AP2B1: variants seen among roughly 807,000 people sequenced by gnomAD.
AP2B1 encodes adaptor related protein complex 2 subunit beta 1, also known as AP-2 complex subunit beta.
A neutral mutation model predicts 102.0 loss-of-function variants in AP2B1; 23 were observed. The ratio of observed to expected loss-of-function variants is 0.23; its 90% CI spans 0.16 to 0.32. The LOEUF (loss-of-function observed/expected upper bound fraction) is 0.32. Among genes scored for constraint, AP2B1 ranks in the 10% least tolerant of loss-of-function variants. The probability of loss-of-function intolerance (pLI) is 1.00; values close to 1 mark genes in which losing one functional copy is unlikely to be tolerated. For missense variants in AP2B1, 541 were observed against 1,157.4 expected (o/e 0.47, Z 7.73); for synonymous variants, 381 against 421.2 (o/e 0.90, Z 1.17).
intron 6 of AP2B1, among the ~76,000 whole-genome samples, chr17:35,625,631 AATAT>A (rs2074293170): frequency 6.6e-6 from 1 of 151,534 alleles, no homozygotes; most frequent in South Asian, 2.1e-4. Flanking sequence ...TGGGGGTAGG[AATAT>A]ATATAATATG....
intron 5 of AP2B1, among the ~76,000 whole-genome samples, chr17:35,622,701 G>A (rs947085732): frequency 6.6e-6 from 1 of 152,160 alleles, no homozygotes; most frequent in African/African-American, 2.4e-5. Context: ...GTCTCACTCT[G>A]TCGCCCAAGC....
At chr17:35,683,197 A>G (rs1194025759) in intron 18 of AP2B1, among the ~76,000 whole-genome samples, 3 of 152,200 alleles carry the variant, frequency 2.0e-5, no homozygotes, top group East Asian at 1.9e-4. Flanking sequence ...ATTTACATGT[A>G]AAAAAGTCCC....
intron 18 of AP2B1, 28 bp downstream of exon 18, chr17:35,682,852 A>G: frequency 6.3e-7 from 1 of 1,589,992 alleles, no homozygotes; most frequent in South Asian, 1.1e-5. Flanking sequence ...CTCAGGTGGT[A>G]CAAGTTAATA....
At chr17:35,716,188 G>A (rs2076547683) in intron 20 of AP2B1, among the ~76,000 whole-genome samples, 1 of 152,182 alleles carries the variant, frequency 6.6e-6, no homozygotes, top group South Asian at 2.1e-4. Flanking sequence ...AGATTTTTAT[G>A]TGGGGAGAAT....
intron 10 of AP2B1, among the ~76,000 whole-genome samples, chr17:35,638,877 A>G (rs2074688584): frequency 1.3e-5 from 2 of 152,076 alleles, no homozygotes; most frequent in African/African-American, 4.8e-5. Context: ...TTGTCTGGAC[A>G]CTGTTGTTGT....
rs745658851 is a variant in AP2B1, at chr17:35,629,042, G to T, written c.1155+1316G>T. The stretch of plus-strand genomic sequence containing the variant: ...CGGCTCACTGCAACCTCTGCCTCCC[G>T]GGCTCAAGCGACTCTTATGCCTCAG... On this transcript the variant is annotated intron_variant, in intron 9 of 21. Transcript: ENST00000610402. Among the ~76,000 whole-genome samples, 49 of 151,830 alleles carry T rather than the reference G, an allele frequency of 3.2e-4. 1 individual carries two copies.
chr17:35,666,677 G>T (rs530450351), intron 14 of AP2B1, among the ~76,000 whole-genome samples: 1 of 152,168 alleles, frequency 6.6e-6, no homozygotes, highest in South Asian at 2.1e-4. Flanking sequence ...TTAAGATCAG[G>T]ATCAAAGCCA....
chr17:35,621,888 G>A (rs1437526910), intron 5 of AP2B1, among the ~76,000 whole-genome samples: 1 of 151,906 alleles, frequency 6.6e-6, no homozygotes, highest in Middle Eastern at 3.2e-3. Context: ...ACATGAAAAG[G>A]GTTTCACTGA....
At position 35,605,632 on chromosome 17, in the gene AP2B1, A is replaced by G. The variant is rs1471238519; in HGVS notation, c.144-73A>G. ...CATCAAATCACTGTTAGTTAAGGCT[A>G]TTCATGTTCTGTCCAACAGCTTGGC... On this transcript the variant is annotated intron_variant, in intron 3 of 21. Coordinates refer to ENST00000610402, the MANE Select transcript of AP2B1 (RefSeq NM_001030006.2). 4 of 1,035,190 alleles carry G rather than the reference A, an allele frequency of 3.9e-6. No homozygotes were observed. In the African/African-American group the frequency reaches 4.8e-5, roughly 12 times the overall value. 64.1% of individuals were successfully genotyped at this position (1,035,190 alleles called of 1,614,324 possible).
intron 3 of AP2B1, among the ~76,000 whole-genome samples, chr17:35,605,084 T>G (rs748988905): frequency 6.6e-6 from 1 of 151,952 alleles, no homozygotes; most frequent in Non-Finnish European, 1.5e-5. Flanking sequence ...AAAACAAATT[T>G]TTGTAGAGAG....
At chr17:35,609,955 T>C in intron 5 of AP2B1, among the ~76,000 whole-genome samples, 1 of 152,132 alleles carries the variant, frequency 6.6e-6, no homozygotes, top group East Asian at 1.9e-4. Flanking sequence ...CAAGTCATAA[T>C]TTTTTAAGGT....
At chr17:35,672,279 T>A (rs1361465024) in intron 16 of AP2B1, among the ~76,000 whole-genome samples, 1 of 152,190 alleles carries the variant, frequency 6.6e-6, no homozygotes, top group Non-Finnish European at 1.5e-5. Flanking sequence ...TGGTATTACG[T>A]ATGGATTCTA....
intron 18 of AP2B1, among the ~76,000 whole-genome samples, chr17:35,708,174 T>G (rs1232892206): frequency 2.0e-5 from 3 of 152,294 alleles, no homozygotes; most frequent in African/African-American, 7.2e-5. Context: ...TTTAACTCTG[T>G]TTTTAGAGCA....
At chr17:35,644,250 A>G (rs1299086177) in intron 12 of AP2B1, among the ~76,000 whole-genome samples, 3 of 152,228 alleles carry the variant, frequency 2.0e-5, no homozygotes, top group Non-Finnish European at 4.4e-5. Flanking sequence ...AAGGTTAAGA[A>G]TGACTTGGAG....
chr17:35,610,645 T>C (rs1785429507), intron 5 of AP2B1, among the ~76,000 whole-genome samples: 2 of 151,942 alleles, frequency 1.3e-5, no homozygotes, highest in Non-Finnish European at 1.5e-5. Context: ...CAGTGGCTCA[T>C]GCCTGTAATC....
intron 18 of AP2B1, among the ~76,000 whole-genome samples, chr17:35,701,840 A>G (rs750940616): frequency 1.3e-5 from 2 of 151,944 alleles, no homozygotes; most frequent in Non-Finnish European, 2.9e-5. Context: ...CTTGTCTCGA[A>G]CTCCTGGCCT....
chr17:35,596,764 C>T (rs1054200589), intron 2 of AP2B1: 16 of 566,540 alleles, frequency 2.8e-5, no homozygotes, highest in Non-Finnish European at 4.8e-5. Context: ...GCGAGTACAG[C>T]GCCCGCAGCT....
chr17:35,684,740 T>G (rs1384392429), intron 18 of AP2B1, among the ~76,000 whole-genome samples: 1 of 152,190 alleles, frequency 6.6e-6, no homozygotes, highest in Non-Finnish European at 1.5e-5. Flanking sequence ...TGTTCCCTTT[T>G]CATTGAAATC....
At chr17:35,636,928 A>G (rs1287335613) in intron 10 of AP2B1, among the ~76,000 whole-genome samples, 1 of 152,198 alleles carries the variant, frequency 6.6e-6, no homozygotes, top group Non-Finnish European at 1.5e-5. Context: ...TACCTACTAC[A>G]TTGTGGAGAA....
Sources: allele counts gnomAD v4.1 joint callset (sites outside exome capture counted in the v4.1 genomes callset), GRCh38; gene constraint gnomAD v4.1.1; transcripts MANE v1.5; gene names NCBI Gene and HGNC (gene_info 2026-07-23, HGNC 2026-07-21).